Variants in ROR1 observed in about 807,000 individuals in gnomAD.
The protein encoded by ROR1 is ROR family WNT receptor 1, also known as inactive tyrosine-protein kinase transmembrane receptor ROR1.
In ROR1, 19 loss-of-function variants were observed where a neutral mutation model predicts 78.8. That is an observed-to-expected ratio of 0.24 (90% CI 0.17 to 0.35). The LOEUF (loss-of-function observed/expected upper bound fraction) is 0.35. ROR1 is among the 10% of genes least tolerant of loss of function. The pLI is 1.00. For missense variants in ROR1, 917 were observed against 1,177.8 expected (o/e 0.78, Z 3.24); for synonymous variants, 386 against 433.6 (o/e 0.89, Z 1.36).
At chr1:64,045,227 G>A (rs1646774816) in intron 2 of ROR1, among the ~76,000 whole-genome samples, 3 of 151,950 alleles carry the variant, frequency 2.0e-5, no homozygotes, top group African/African-American at 4.8e-5. Flanking sequence ...CCAACTGTGC[G>A]AAGCCAGATT....
intron 1 of ROR1, among the ~76,000 whole-genome samples, chr1:63,869,639 G>A (rs1645238726): frequency 6.6e-6 from 1 of 152,184 alleles, no homozygotes; most frequent in Non-Finnish European, 1.5e-5. Flanking sequence ...TTGTGGTGCT[G>A]GGTTATTAAG....
chr1:64,001,976 G>A (rs1557603252), intron 1 of ROR1, among the ~76,000 whole-genome samples: 1 of 151,900 alleles, frequency 6.6e-6, no homozygotes, highest in African/African-American at 2.4e-5. Flanking sequence ...TTTTAGTCTC[G>A]TTGTGGTGGG....
At chr1:63,782,544 G>GT (rs1180388246) in intron 1 of ROR1, among the ~76,000 whole-genome samples, 2,678 of 121,076 alleles carry the variant, frequency 0.022, 117 homozygotes, top group African/African-American at 0.091. Flanking sequence ...AGATTTTGAG[G>GT]TTTTTTTTTT....
At chr1:63,865,716 A>G (rs141404452) in intron 1 of ROR1, among the ~76,000 whole-genome samples, 1 of 152,216 alleles carries the variant, frequency 6.6e-6, no homozygotes, top group Non-Finnish European at 1.5e-5. Flanking sequence ...TAATATGTGT[A>G]ATAGGCTAGG....
intron 1 of ROR1, among the ~76,000 whole-genome samples, chr1:63,837,817 G>A (rs926552734): frequency 1.3e-5 from 2 of 152,108 alleles, no homozygotes; most frequent in Admixed American, 6.5e-5. Flanking sequence ...ACGAGATTCC[G>A]TCTCTTAAAA....
At chr1:63,840,870 A>G (rs1645045526) in intron 1 of ROR1, among the ~76,000 whole-genome samples, 2 of 152,190 alleles carry the variant, frequency 1.3e-5, no homozygotes, top group South Asian at 4.1e-4. Context: ...AATACTATTC[A>G]TTCATAGGTT....
At chr1:64,131,798 T>C (rs1267339185) in intron 4 of ROR1, among the ~76,000 whole-genome samples, 1 of 151,980 alleles carries the variant, frequency 6.6e-6, no homozygotes, top group African/African-American at 2.4e-5. Context: ...CATTTTTAAT[T>C]TTGTAGACAC....
At chr1:63,780,949 T>C (rs759917878) in intron 1 of ROR1, among the ~76,000 whole-genome samples, 6 of 152,066 alleles carry the variant, frequency 3.9e-5, no homozygotes, top group Admixed American at 6.6e-5. Flanking sequence ...AGAAGGATAA[T>C]GGCCGGAGGA....
At chr1:63,980,342 C>T (rs1306978932) in intron 1 of ROR1, among the ~76,000 whole-genome samples, 1 of 152,084 alleles carries the variant, frequency 6.6e-6, no homozygotes, top group East Asian at 1.9e-4. Context: ...AGATTCTTCT[C>T]TTCAGTGACA....
chr1:64,020,391 G>A (rs1286042012), intron 2 of ROR1, among the ~76,000 whole-genome samples: 1 of 152,134 alleles, frequency 6.6e-6, no homozygotes, highest in Non-Finnish European at 1.5e-5. Context: ...TACCATGGAC[G>A]AGGCCTGTAC....
At chr1:63,806,539 G>C (rs535604521) in intron 1 of ROR1, among the ~76,000 whole-genome samples, 6 of 152,240 alleles carry the variant, frequency 3.9e-5, no homozygotes, top group East Asian at 3.9e-4. Flanking sequence ...GGATGGTCTC[G>C]ATCTCCTGAC....
chr1:63,846,881 A>C (rs1332198427), intron 1 of ROR1, among the ~76,000 whole-genome samples: 2 of 152,184 alleles, frequency 1.3e-5, no homozygotes, highest in African/African-American at 4.8e-5. Flanking sequence ...CAGAGCAAGG[A>C]CTCTACTGAC....
chr1:63,814,189 C>G (rs149727177), intron 1 of ROR1, among the ~76,000 whole-genome samples: 1 of 152,324 alleles, frequency 6.6e-6, no homozygotes, highest in Non-Finnish European at 1.5e-5. Flanking sequence ...GCCTGGAACT[C>G]TCTCTGGGCA....
intron 1 of ROR1, among the ~76,000 whole-genome samples, chr1:63,866,494 G>A (rs1003670247): frequency 6.6e-6 from 1 of 152,156 alleles, no homozygotes; most frequent in Non-Finnish European, 1.5e-5. Context: ...TTGAAAACAA[G>A]AGCTCTACTT....
rs142342791 is a variant in ROR1, at chr1:64,014,723, ATATACACATACGCACAC to A, written c.163+5352_163+5368del. Among the ~76,000 whole-genome samples, 16 of 47,742 alleles carry A rather than the reference ATATACACATACGCACAC, an allele frequency of 3.4e-4. 1 individual carries two copies. The highest frequency in any genetic ancestry group is 3.4e-4 in the Non-Finnish European group (8 of 23,642). 31.3% of individuals were successfully genotyped at this position (47,742 alleles called of 152,430 possible). On this transcript the variant is annotated intron_variant, in intron 2 of 8. Transcript: ENST00000371079. ...CTCTGTGCTGACAGACTATATATAT[ATATACACATACGCACAC>A]TATATATATATATATATATATATAT...
intron 1 of ROR1, among the ~76,000 whole-genome samples, chr1:63,889,051 G>A (rs1025786907): frequency 1.1e-4 from 16 of 152,276 alleles, no homozygotes; most frequent in African/African-American, 3.8e-4. Flanking sequence ...AGGGCTGGAA[G>A]TTCTGCTTCC....
At chr1:63,884,096 G>A (rs950746247) in intron 1 of ROR1, among the ~76,000 whole-genome samples, 5 of 152,140 alleles carry the variant, frequency 3.3e-5, no homozygotes, top group South Asian at 2.1e-4. Flanking sequence ...CAGGCATTTC[G>A]GTGGCTTTGG....
intron 1 of ROR1, among the ~76,000 whole-genome samples, chr1:63,811,647 A>G (rs1365204770): frequency 6.6e-6 from 1 of 152,124 alleles, no homozygotes; most frequent in Non-Finnish European, 1.5e-5. Flanking sequence ...GTTAGCTGGA[A>G]GTAAGTAAGG....
intron 8 of ROR1, among the ~76,000 whole-genome samples, chr1:64,164,257 C>T (rs114006193): frequency 6.6e-6 from 1 of 152,312 alleles, no homozygotes; most frequent in African/African-American, 2.4e-5. Flanking sequence ...CCACCAAAAT[C>T]CTGCCACCCA....
Sources: gnomAD v4.1 joint callset for allele counts (sites outside exome capture counted in the v4.1 genomes callset) on GRCh38, gnomAD v4.1.1 for gene constraint, MANE v1.5 for transcripts, NCBI Gene and HGNC (gene_info 2026-07-23, HGNC 2026-07-21) for gene names.